IARS1: variants seen among roughly 807,000 people sequenced by gnomAD.
IARS1 encodes isoleucyl-tRNA synthetase 1.
A neutral mutation model predicts 168.2 loss-of-function variants in IARS1; 124 were observed. The observed-to-expected ratio is 0.74, with a 90% CI of 0.64 to 0.86. The LOEUF (loss-of-function observed/expected upper bound fraction) is 0.86. Among genes scored for constraint, IARS1 ranks in the 40% least tolerant of loss-of-function variants. The pLI, the probability that IARS1 is intolerant of heterozygous loss-of-function variation, is 0.00. For missense variants in IARS1, 1,452 were observed against 1,515.8 expected (o/e 0.96, Z 0.70); for synonymous variants, 532 against 529.4 (o/e 1.00, Z -0.07).
At chr9:92,213,844 T>C (rs1457067360) in intron 33 of IARS1, among the ~76,000 whole-genome samples, 5 of 152,080 alleles carry the variant, frequency 3.3e-5, no homozygotes, top group Admixed American at 3.3e-4. Context: ...GGAGTTTAAC[T>C]CTTGTCGCCC....
chr9:92,276,071 G>A (rs1833734865), intron 9 of IARS1, among the ~76,000 whole-genome samples: 1 of 152,148 alleles, frequency 6.6e-6, no homozygotes. Flanking sequence ...TCCAGTGGAA[G>A]AGATTTCAGA....
chr9:92,258,140 C>T (rs2133774229), intron 19 of IARS1, among the ~76,000 whole-genome samples: 1 of 152,340 alleles, frequency 6.6e-6, no homozygotes, highest in Admixed American at 6.5e-5. Flanking sequence ...TCTCTGACCA[C>T]CCATCTCAAG....
rs755343571 is a variant in IARS1 at position 92,243,233 on chromosome 9, G to C, written c.2983C>G (p.Gln995Glu). ...GMAREVINRI[Q>E]KLRKKCNLVP... is the part of the protein sequence containing the mutation. Reference sequence around the variant, plus strand: ...AAACTAACCTTTTTGCGAAGTTTCTGTATGCGATTGATGACTTCCCGAGCC... The same window carrying C: ...AAACTAACCTTTTTGCGAAGTTTCTCTATGCGATTGATGACTTCCCGAGCC... Residue 995 changes from glutamine to glutamate, a missense_variant, in exon 28 of 34, where the codon CAG becomes GAG. Coordinates refer to ENST00000443024, the MANE Select transcript of IARS1 (RefSeq NM_002161.6). The C allele has an allele frequency of 6.2e-7, 1 of 1,613,118 alleles. No homozygotes were observed. The highest frequency in any genetic ancestry group is 8.5e-7 in the Non-Finnish European group (1 of 1,179,304).
intron 5 of IARS1, 139 bp downstream of exon 5, chr9:92,286,397 A>G: frequency 1.7e-6 from 1 of 591,562 alleles, no homozygotes; most frequent in Non-Finnish European, 3.0e-6. Flanking sequence ...TCTACATTCA[A>G]AAACAAACCT....
chr9:92,238,539 A>T (rs780597856), intron 30 of IARS1, among the ~76,000 whole-genome samples: 12 of 152,256 alleles, frequency 7.9e-5, no homozygotes, highest in Non-Finnish European at 1.6e-4. Context: ...CAACAGAAGC[A>T]GATGCTTGTG....
chr9:92,280,989 T>A, intron 6 of IARS1, 96 bp from the exon 7 acceptor site: 1 of 801,060 alleles, frequency 1.2e-6, no homozygotes, highest in South Asian at 2.6e-5. Context: ...AAATAAATCT[T>A]CAGGGTAAAC....
Position 92,244,988 on chromosome 9 carries a change from C to T in IARS1, c.2875G>A (p.Ala959Thr), listed in dbSNP as rs1161644753. Residue 959 changes from alanine to threonine, a missense_variant, in exon 27 of 34, where the codon GCG becomes ACG. Physicochemically the swap from Ala to Thr is moderately conservative, Grantham distance 58. Coordinates refer to ENST00000443024, the MANE Select transcript of IARS1 (RefSeq NM_002161.6). ...YTFDQATGGT[A>T]QFEAHSDAQA... ...GCATCTGAGTGTGCTTCAAATTGCG[C>T]AGTCCCACCTGTGGCCTGATCAAAG... The T allele has an allele frequency of 1.9e-6, 3 of 1,614,000 alleles. No individual in the cohort carries two copies. The highest frequency in any genetic ancestry group is 2.5e-6 in the Non-Finnish European group (3 of 1,179,988).
rs572844253 is a variant in IARS1 at position 92,281,970 on chromosome 9, T to C, written c.598-1077A>G. 2.3e-3 allele frequency among the ~76,000 whole-genome samples: 352 copies of C among 151,972 alleles called. 1 individual carries two copies. The highest frequency in any genetic ancestry group is 3.6e-3 in the Non-Finnish European group (243 of 67,990). ...CAATGTAGGTCTTTTTTGTTTTTCT[T>C]TCCTTCTTTTTTTCTTGTTAACTAT... is the stretch of plus-strand genomic sequence containing the variant. On this transcript the variant is annotated intron_variant, in intron 6 of 33. Transcript: ENST00000443024.
intron 31 of IARS1, among the ~76,000 whole-genome samples, chr9:92,226,849 G>A (rs1224037760): frequency 1.4e-5 from 2 of 141,586 alleles, no homozygotes; most frequent in African/African-American, 2.7e-5. Context: ...GGTGTTTCTC[G>A]CAGAGGGGGA....
intron 10 of IARS1, among the ~76,000 whole-genome samples, chr9:92,271,915 A>G (rs1833099569): frequency 6.6e-6 from 1 of 152,228 alleles, no homozygotes; most frequent in Non-Finnish European, 1.5e-5. Flanking sequence ...AAATGAGAAG[A>G]TAGATGACAT....
rs1330696826 is a variant in IARS1, at chr9:92,265,038, C to T, written c.1591G>A (p.Gly531Ser). 3.1e-6 allele frequency: 5 copies of T among 1,613,992 alleles called. No homozygotes were observed. Among genetic ancestry groups the T allele is most frequent in the Non-Finnish European group, 4.2e-6 (5 of 1,180,020 alleles). Residue 531 changes from glycine (G) to serine (S), a missense_variant, in exon 16 of 34, where the codon GGC becomes AGC. Coordinates refer to ENST00000443024, the MANE Select transcript of IARS1 (RefSeq NM_002161.6). ...TGAACCTGAGCATAGGGCATGCTGC[C>T]ACTCTCAAACCAACAGTCAAACACT... ...SEVFDCWFES[G>S]SMPYAQVHYP... is the part of the protein sequence containing the mutation.
chr9:92,263,103 A>C (rs1437142582), intron 16 of IARS1, 48 bp from the exon 17 acceptor site: 1 of 1,247,070 alleles, frequency 8.0e-7, no homozygotes. Flanking sequence ...ATGAAGTCCA[A>C]GCATAAGAAA....
intron 17 of IARS1, among the ~76,000 whole-genome samples, chr9:92,260,924 A>T (rs900918514): frequency 1.3e-5 from 2 of 152,234 alleles, no homozygotes; most frequent in Non-Finnish European, 2.9e-5. Flanking sequence ...AAACCATGGC[A>T]TACCCATAAT....
intron 17 of IARS1, among the ~76,000 whole-genome samples, chr9:92,261,596 T>A (rs948208959): frequency 2.1e-4 from 32 of 152,260 alleles, no homozygotes; most frequent in African/African-American, 7.0e-4. Context: ...ACTAGAGAAA[T>A]CTGAATACGA....
At chr9:92,283,876 T>A (rs1001675651) in intron 6 of IARS1, among the ~76,000 whole-genome samples, 1 of 152,154 alleles carries the variant, frequency 6.6e-6, no homozygotes, top group Non-Finnish European at 1.5e-5. Flanking sequence ...TTTGAGAATA[T>A]TAAAATAAAA....
intron 13 of IARS1, among the ~76,000 whole-genome samples, chr9:92,269,587 C>A (rs1207826758): frequency 6.6e-6 from 1 of 152,214 alleles, no homozygotes; most frequent in Non-Finnish European, 1.5e-5. Context: ...TCTGGCAGTA[C>A]AGCCATATTT....
chr9:92,240,671 G>T (rs1276412923), intron 30 of IARS1, 185 bp downstream of exon 30: 2 of 717,626 alleles, frequency 2.8e-6, no homozygotes, highest in Non-Finnish European at 5.2e-6. Flanking sequence ...TAGATTTCAG[G>T]AATGATCCAC....
chr9:92,288,019 TAGA>T, intron 3 of IARS1, 104 bp downstream of exon 3: 6 of 1,425,874 alleles, frequency 4.2e-6, no homozygotes, highest in South Asian at 1.2e-5. Context: ...AGAAATGAAC[TAGA>T]AGGTCTGACA....
intron 30 of IARS1, among the ~76,000 whole-genome samples, chr9:92,230,851 G>A (rs10992276): frequency 6.6e-6 from 1 of 152,136 alleles, no homozygotes; most frequent in African/African-American, 2.4e-5. Context: ...GGCTAATGAC[G>A]TTAAATGTTG....
Sources: gnomAD v4.1 joint callset for allele counts (sites outside exome capture counted in the v4.1 genomes callset) on GRCh38, gnomAD v4.1.1 for gene constraint, MANE v1.5 for transcripts, NCBI Gene and HGNC (gene_info 2026-07-23, HGNC 2026-07-21) for gene names.